The following RAB3C variants were observed in gnomAD, a reference collection of about 807,000 sequenced individuals.
RAB3C encodes the protein ras-related protein Rab-3C.
A neutral mutation model predicts 26.4 loss-of-function variants in RAB3C; 17 were observed. The ratio of observed to expected loss-of-function variants is 0.64; its 90% CI spans 0.44 to 0.97. RAB3C has a LOEUF of 0.97. RAB3C is among the 50% of genes least tolerant of loss of function. The pLI is 0.00. For synonymous variants in RAB3C, 91 were observed against 95.9 expected (o/e 0.95, Z 0.30); for missense variants, 242 against 281.9 (o/e 0.86, Z 1.01).
rs767119906 is a variant in RAB3C at position 58,825,101 on chromosome 5, T to C, written c.435T>C (p.Cys145=). The C allele has an allele frequency of 1.9e-6, 3 of 1,613,538 alleles. No homozygotes were observed. The South Asian group carries it at 3.3e-5, about 18-fold the overall frequency. Residue 145 remains cysteine, a synonymous_variant, in exon 4 of 5, where the codon TGT becomes TGC. Coordinates refer to ENST00000282878, the MANE Select transcript of RAB3C (RefSeq NM_138453.4). ...NAQVILVGNK[C]DMEDERVIST... is the part of the protein sequence containing the mutation. ...AAGTTATTCTGGTTGGGAACAAGTGTGACATGGAAGACGAGCGGGTCATCT... is the reference window on the plus strand; with the variant it reads ...AAGTTATTCTGGTTGGGAACAAGTGCGACATGGAAGACGAGCGGGTCATCT...
At chr5:58,697,543 A>G (rs1429246017) in intron 2 of RAB3C, among the ~76,000 whole-genome samples, 1 of 152,026 alleles carries the variant, frequency 6.6e-6, no homozygotes, top group Non-Finnish European at 1.5e-5. Context: ...TCCCATTATT[A>G]TTGTGTGGGA....
intron 3 of RAB3C, among the ~76,000 whole-genome samples, chr5:58,777,963 G>GT (rs1193547813): frequency 6.6e-6 from 1 of 152,022 alleles, no homozygotes; most frequent in African/African-American, 2.4e-5. Context: ...CAAAGAACAT[G>GT]TTTTGTATAC....
chr5:58,728,618 G>A (rs1740938106), intron 3 of RAB3C, among the ~76,000 whole-genome samples: 1 of 151,936 alleles, frequency 6.6e-6, no homozygotes, highest in Non-Finnish European at 1.5e-5. Flanking sequence ...GATTCTGGGA[G>A]CACATGTTAA....
chr5:58,735,755 G>A (rs958793185), intron 3 of RAB3C, among the ~76,000 whole-genome samples: 1 of 152,064 alleles, frequency 6.6e-6, no homozygotes, highest in African/African-American at 2.4e-5. Flanking sequence ...AGCCCGGTGG[G>A]CCCCTTTCTC....
intron 3 of RAB3C, among the ~76,000 whole-genome samples, chr5:58,745,137 C>T (rs186331328): frequency 6.6e-6 from 1 of 151,978 alleles, no homozygotes; most frequent in South Asian, 2.1e-4. Context: ...GTGGCTCACG[C>T]CTGTAATCCA....
intron 3 of RAB3C, among the ~76,000 whole-genome samples, chr5:58,796,114 G>A (rs1561132942): frequency 6.6e-6 from 1 of 152,168 alleles, no homozygotes; most frequent in African/African-American, 2.4e-5. Context: ...TGATTGGAAG[G>A]TGGGAAATAA....
chr5:58,608,557 T>C (rs1182819236), intron 1 of RAB3C, among the ~76,000 whole-genome samples: 1 of 152,108 alleles, frequency 6.6e-6, no homozygotes, highest in Non-Finnish European at 1.5e-5. Flanking sequence ...GGAGAGGATG[T>C]GGAGAAATAG....
intron 2 of RAB3C, among the ~76,000 whole-genome samples, chr5:58,710,929 A>G (rs1749046155): frequency 6.6e-6 from 1 of 152,114 alleles, no homozygotes; most frequent in Non-Finnish European, 1.5e-5. Context: ...TTGTCACTCA[A>G]AGTAATGTGA....
rs992166571 is a variant in RAB3C, at chr5:58,586,462, ATCT to A, written c.24+3238_24+3240del. Among the ~76,000 whole-genome samples, 18 of 152,224 alleles carry A rather than the reference ATCT, an allele frequency of 1.2e-4. 1 individual carries two copies. The South Asian group carries it at 2.9e-3, about 25-fold the overall frequency. ...TTCAGAAGAAAGAAAAATTGGCCCTATCTTCTTCTTATAAAATAAACTTGCATA... is the reference window on the plus strand; with the variant it reads ...TTCAGAAGAAAGAAAAATTGGCCCTATCTTCTTATAAAATAAACTTGCATA... On this transcript the variant is annotated intron_variant, in intron 1 of 4. Transcript: ENST00000282878.
intron 2 of RAB3C, among the ~76,000 whole-genome samples, chr5:58,670,226 A>G (rs1162394766): frequency 1.3e-5 from 2 of 152,130 alleles, no homozygotes; most frequent in Non-Finnish European, 2.9e-5. Context: ...TGATGCCTTC[A>G]TGGACCCTCT....
chr5:58,697,289 A>C (rs1476649278), intron 2 of RAB3C, among the ~76,000 whole-genome samples: 4 of 152,180 alleles, frequency 2.6e-5, no homozygotes, highest in Non-Finnish European at 5.9e-5. Context: ...TGTGAGAGAC[A>C]GTTTGTTGTG....
intron 3 of RAB3C, among the ~76,000 whole-genome samples, chr5:58,776,823 A>G (rs1193471511): frequency 6.6e-6 from 1 of 152,094 alleles, no homozygotes; most frequent in Non-Finnish European, 1.5e-5. Context: ...TGATGTGGCC[A>G]TTGTCAATAC....
chr5:58,739,717 T>A (rs997782953), intron 3 of RAB3C, among the ~76,000 whole-genome samples: 3 of 152,164 alleles, frequency 2.0e-5, no homozygotes, highest in African/African-American at 7.2e-5. Context: ...AGGATAAAAA[T>A]TATAGTGTAA....
chr5:58,636,618 T>G (rs1269783927), intron 2 of RAB3C, among the ~76,000 whole-genome samples: 1 of 152,218 alleles, frequency 6.6e-6, no homozygotes, highest in African/African-American at 2.4e-5. Flanking sequence ...TCAATTATGT[T>G]AATATCATTT....
In RAB3C at chr5:58,583,188, G is replaced by A. The variant is rs570144952; in HGVS notation, c.-21G>A. The A allele has an allele frequency of 1.4e-5, 23 of 1,614,202 alleles. No homozygotes were observed. Among genetic ancestry groups the A allele is most frequent in the Non-Finnish European group, 1.8e-5 (21 of 1,180,036 alleles). On this transcript the variant is annotated 5_prime_UTR_variant, in exon 1 of 5. Coordinates refer to ENST00000282878, the MANE Select transcript of RAB3C (RefSeq NM_138453.4). ...CCAGACCAGTGCGGTCCTAGCCAGA[G>A]AGAAAGGACATTTGCCAACAATGAG...
intron 3 of RAB3C, among the ~76,000 whole-genome samples, chr5:58,797,766 G>A (rs72762133): frequency 0.098 from 14,922 of 152,044 alleles, 941 homozygotes; most frequent in Non-Finnish European, 0.15. Flanking sequence ...TTAACCACAG[G>A]CCTACAGGAC....
intron 1 of RAB3C, among the ~76,000 whole-genome samples, chr5:58,602,761 A>G (rs1183914484): frequency 6.6e-6 from 1 of 152,106 alleles, no homozygotes; most frequent in Non-Finnish European, 1.5e-5. Context: ...TAAAGGCAGG[A>G]GATAGTTGGT....
chr5:58,757,605 T>C (rs1741702730), intron 3 of RAB3C, among the ~76,000 whole-genome samples: 1 of 152,246 alleles, frequency 6.6e-6, no homozygotes, highest in Admixed American at 6.5e-5. Context: ...ATCACGTCCA[T>C]CTGTCCTTCA....
chr5:58,697,809 A>G (rs1056153539), intron 2 of RAB3C, among the ~76,000 whole-genome samples: 2 of 152,072 alleles, frequency 1.3e-5, no homozygotes, highest in Non-Finnish European at 2.9e-5. Context: ...TTTTGAGCCT[A>G]TGTGCGTCTT....
Sources: allele counts gnomAD v4.1 joint callset (sites outside exome capture counted in the v4.1 genomes callset), GRCh38; gene constraint gnomAD v4.1.1; transcripts MANE v1.5; gene names NCBI Gene and HGNC (gene_info 2026-07-23, HGNC 2026-07-21).